Variants in CCDC6 observed in about 807,000 individuals in gnomAD.
CCDC6 encodes coiled-coil domain-containing protein 6.
A neutral mutation model predicts 56.6 loss-of-function variants in CCDC6; 20 were observed. The ratio of observed to expected loss-of-function variants is 0.35; its 90% confidence interval spans 0.25 to 0.51. The LOEUF is 0.51. Ranked by LOEUF, CCDC6 falls within the 20% of genes least tolerant of loss-of-function variation. The probability of loss-of-function intolerance (pLI) is 0.95; values close to 1 mark genes in which losing one functional copy is unlikely to be tolerated. For missense variants in CCDC6, 367 were observed against 601.1 expected (o/e 0.61, Z 4.07); for synonymous variants, 241 against 234.4 (o/e 1.03, Z -0.26).
At chr10:59,847,138 C>T (rs2070999370) in intron 2 of CCDC6, among the ~76,000 whole-genome samples, 2 of 152,036 alleles carry the variant, frequency 1.3e-5, no homozygotes, top group African/African-American at 2.4e-5. Flanking sequence ...CCACAAGGTC[C>T]GCCTCCTGGG....
intron 1 of CCDC6, among the ~76,000 whole-genome samples, chr10:59,876,517 A>G (rs2071282231): frequency 6.6e-6 from 1 of 150,944 alleles, no homozygotes; most frequent in Non-Finnish European, 1.5e-5. Flanking sequence ...TTTTCCCTTA[A>G]CTAGGCAAGG....
chr10:59,812,838 C>A, intron 4 of CCDC6, 43 bp from the exon 5 acceptor site: 1 of 1,464,368 alleles, frequency 6.8e-7, no homozygotes, highest in South Asian at 1.2e-5. Flanking sequence ...AACAGTTTTC[C>A]TTGAAAAGAC....
chr10:59,841,174 G>A (rs2070935176), intron 2 of CCDC6, among the ~76,000 whole-genome samples: 1 of 152,130 alleles, frequency 6.6e-6, no homozygotes, highest in African/African-American at 2.4e-5. Context: ...ACACCAGTCT[G>A]TCTGCTGCTT....
rs67669225 is a variant in CCDC6 at position 59,893,615 on chromosome 10, A to AATACATACATACATAC, written c.303+12491_303+12506dup. On this transcript the variant is annotated intron_variant, in intron 1 of 8. Coordinates refer to ENST00000263102, the MANE Select transcript of CCDC6 (RefSeq NM_005436.5). ...AGTGAGACTTTGTCTCAAACAAACA[A>AATACATACATACATAC]ATACATACATACATACATACATACA... is the stretch of plus-strand genomic sequence containing the variant. 2.7e-5 allele frequency among the ~76,000 whole-genome samples: 4 copies of AATACATACATACATAC among 148,530 alleles called. 1 individual carries two copies. The highest frequency in any genetic ancestry group is 4.4e-5 in the Non-Finnish European group (3 of 67,432).
intron 1 of CCDC6, among the ~76,000 whole-genome samples, chr10:59,866,366 C>T (rs1383609764): frequency 6.6e-6 from 1 of 152,154 alleles, no homozygotes; most frequent in African/African-American, 2.4e-5. Context: ...TTATCTACTA[C>T]AGTAACAGAA....
intron 1 of CCDC6, among the ~76,000 whole-genome samples, chr10:59,900,446 G>A (rs2071497035): frequency 6.6e-6 from 1 of 152,228 alleles, no homozygotes; most frequent in Admixed American, 6.5e-5. Flanking sequence ...AGTTCTGGGT[G>A]CTAGTAGTAA....
chr10:59,884,691 C>T (rs1177355285), intron 1 of CCDC6, among the ~76,000 whole-genome samples: 1 of 152,158 alleles, frequency 6.6e-6, no homozygotes, highest in Non-Finnish European at 1.5e-5. Flanking sequence ...ACAATGTGCT[C>T]CCATCGCTGG....
intron 2 of CCDC6, among the ~76,000 whole-genome samples, chr10:59,839,399 A>G (rs746670655): frequency 9.2e-5 from 14 of 152,192 alleles, no homozygotes; most frequent in Non-Finnish European, 1.3e-4. Context: ...TGATTGAATA[A>G]ATGATAACGT....
chr10:59,835,270 C>T (rs543986094), intron 2 of CCDC6, among the ~76,000 whole-genome samples: 24 of 152,136 alleles, frequency 1.6e-4, no homozygotes, highest in Admixed American at 1.2e-3. Flanking sequence ...AATCTCTTGC[C>T]CACCAAGCAG....
intron 1 of CCDC6, among the ~76,000 whole-genome samples, chr10:59,881,069 C>A (rs111907656): frequency 6.6e-6 from 1 of 152,284 alleles, no homozygotes; most frequent in Admixed American, 6.5e-5. Context: ...CCTTCAGCCC[C>A]GCCCAGCAGG....
intron 1 of CCDC6, among the ~76,000 whole-genome samples, chr10:59,887,620 C>CA (rs2071392638): frequency 6.6e-6 from 1 of 151,990 alleles, no homozygotes; most frequent in Middle Eastern, 3.4e-3. Flanking sequence ...CCTTCCTAGT[C>CA]AAAAAAATTC....
At position 59,878,839 on chromosome 10, in the gene CCDC6, A is replaced by C. The variant is rs77785202; in HGVS notation, c.304-26137T>G. On this transcript the variant is annotated intron_variant, in intron 1 of 8. Coordinates refer to ENST00000263102, the MANE Select transcript of CCDC6 (RefSeq NM_005436.5). Reference sequence around the variant, plus strand: ...TTGGATGAAGAGCCCCCTTTCAGAAAATTTTTTTTCATAGGCAAGGAATTA... The same window carrying C: ...TTGGATGAAGAGCCCCCTTTCAGAACATTTTTTTTCATAGGCAAGGAATTA... 4.2e-3 allele frequency among the ~76,000 whole-genome samples: 635 copies of C among 152,256 alleles called. 1 individual carries two copies. The highest frequency in any genetic ancestry group is 0.015 in the African/African-American group (612 of 41,534).
intron 5 of CCDC6, among the ~76,000 whole-genome samples, chr10:59,812,406 CT>C (rs2070681080): frequency 6.6e-6 from 1 of 151,076 alleles, no homozygotes; most frequent in Admixed American, 6.6e-5. Context: ...CCTGAAATTA[CT>C]TTAATTATTT....
chr10:59,873,300 T>A (rs1356814945), intron 1 of CCDC6, among the ~76,000 whole-genome samples: 1 of 151,996 alleles, frequency 6.6e-6, no homozygotes, highest in Non-Finnish European at 1.5e-5. Context: ...TGGGCCCCAA[T>A]CCAATACGAC....
intron 1 of CCDC6, among the ~76,000 whole-genome samples, chr10:59,873,651 A>T (rs1233867994): frequency 6.6e-6 from 1 of 152,152 alleles, no homozygotes; most frequent in Non-Finnish European, 1.5e-5. Flanking sequence ...ATTCTAAAAC[A>T]TATCTGGCCT....
chr10:59,809,366 C>T (rs529445205), intron 5 of CCDC6, among the ~76,000 whole-genome samples: 1 of 152,308 alleles, frequency 6.6e-6, no homozygotes, highest in South Asian at 2.1e-4. Context: ...GGGAACTCAG[C>T]AGGGGGATCC....
At chr10:59,838,029 C>G (rs189629882) in intron 2 of CCDC6, among the ~76,000 whole-genome samples, 3 of 152,282 alleles carry the variant, frequency 2.0e-5, no homozygotes, top group Admixed American at 2.0e-4. Flanking sequence ...GAAAGTCTCT[C>G]AAGAACCGAC....
chr10:59,864,195 G>C (rs1027390692), intron 1 of CCDC6, among the ~76,000 whole-genome samples: 27 of 152,168 alleles, frequency 1.8e-4, no homozygotes, highest in Non-Finnish European at 3.5e-4. Context: ...CCACCTTTAA[G>C]TATGGAACCA....
At chr10:59,801,788 T>C (rs2070578512) in intron 7 of CCDC6, among the ~76,000 whole-genome samples, 1 of 152,174 alleles carries the variant, frequency 6.6e-6, no homozygotes, top group Non-Finnish European at 1.5e-5. Flanking sequence ...AATATAGTAA[T>C]TAATACTGCT....
Sources: allele counts gnomAD v4.1 joint callset (sites outside exome capture counted in the v4.1 genomes callset), GRCh38; gene constraint gnomAD v4.1.1; transcripts MANE v1.5; gene names NCBI Gene and HGNC (gene_info 2026-07-23, HGNC 2026-07-21).